CDH18: variants seen among roughly 807,000 people sequenced by gnomAD.
The protein encoded by CDH18 is cadherin-18.
CDH18 carries 31 observed loss-of-function variants against 67.9 expected under a neutral mutation model. The ratio of observed to expected loss-of-function variants is 0.46; its 90% confidence interval spans 0.34 to 0.62. The LOEUF (loss-of-function observed/expected upper bound fraction) is 0.62. Among genes scored for constraint, CDH18 ranks in the 20% least tolerant of loss-of-function variants. The pLI is 0.01. For missense variants in CDH18, 890 were observed against 975.5 expected (o/e 0.91, Z 1.17); for synonymous variants, 362 against 347.2 (o/e 1.04, Z -0.48).
chr5:19,747,367 T>C, intron 3 of CDH18, 131 bp from the exon 4 acceptor site: 1 of 670,316 alleles, frequency 1.5e-6, no homozygotes, highest in Non-Finnish European at 2.4e-6. Context: ...TGTGTGTTAC[T>C]ACTATCATTT....
intron 1 of CDH18, among the ~76,000 whole-genome samples, chr5:20,338,831 G>T (rs1258758810): frequency 1.3e-5 from 2 of 152,110 alleles, no homozygotes; most frequent in East Asian, 3.9e-4. Context: ...TGTCTCTTCA[G>T]GGCCCCAAGG....
chr5:19,759,058 A>C (rs896726569), intron 3 of CDH18, among the ~76,000 whole-genome samples: 15 of 152,240 alleles, frequency 9.9e-5, no homozygotes, highest in African/African-American at 3.4e-4. Context: ...GGTGGGCCTT[A>C]TGGATAGGAA....
chr5:19,769,481 T>C (rs1250322720), intron 3 of CDH18, among the ~76,000 whole-genome samples: 4 of 152,068 alleles, frequency 2.6e-5, no homozygotes, highest in Non-Finnish European at 4.4e-5. Flanking sequence ...GAAATTACAA[T>C]GTTCCTAGAT....
chr5:19,959,171 G>T (rs1274922073), intron 2 of CDH18, among the ~76,000 whole-genome samples: 1 of 152,032 alleles, frequency 6.6e-6, no homozygotes, highest in Non-Finnish European at 1.5e-5. Context: ...TTGAAGATGA[G>T]AAGGGAAACA....
intron 5 of CDH18, among the ~76,000 whole-genome samples, chr5:19,676,165 A>G (rs1759457947): frequency 6.6e-6 from 1 of 152,038 alleles, no homozygotes; most frequent in Non-Finnish European, 1.5e-5. Flanking sequence ...AAAAATAAAG[A>G]TAAAACAAAA....
At chr5:19,863,457 T>C (rs1300441409) in intron 2 of CDH18, among the ~76,000 whole-genome samples, 1 of 152,184 alleles carries the variant, frequency 6.6e-6, no homozygotes, top group East Asian at 1.9e-4. Flanking sequence ...ACTTAATATC[T>C]AGATTGTCAG....
chr5:20,082,947 G>T lies in CDH18; in HGVS notation c.-517-90933C>A, dbSNP rs190933810. ...TTGGACTTGTACCCTTTGGAACTGT[G>T]AGGCAGTAAATATTCGTGATCCAAA... On this transcript the variant is annotated intron_variant, in intron 2 of 14. Transcript: ENST00000507958. Among the ~76,000 whole-genome samples the T allele has an allele frequency of 4.0e-4, 61 of 152,302 alleles. 2 individuals carry two copies. In the East Asian group the frequency reaches 0.011, roughly 27 times the overall value.
chr5:19,618,102 T>C (rs2150130617), intron 5 of CDH18, among the ~76,000 whole-genome samples: 1 of 152,260 alleles, frequency 6.6e-6, no homozygotes, highest in Middle Eastern at 3.4e-3. Flanking sequence ...GCCTGCACAT[T>C]TAAATTCTTA....
At chr5:19,641,142 C>CAA (rs3062887) in intron 5 of CDH18, among the ~76,000 whole-genome samples, 40 of 112,364 alleles carry the variant, frequency 3.6e-4, no homozygotes, top group East Asian at 1.6e-3. Flanking sequence ...CTAAATTTTT[C>CAA]AAAAAAAAAA....
chr5:20,397,167 G>A (rs1745352453), intron 1 of CDH18, among the ~76,000 whole-genome samples: 1 of 152,080 alleles, frequency 6.6e-6, no homozygotes, highest in Non-Finnish European at 1.5e-5. Flanking sequence ...GTCTTGCTCT[G>A]TTGCTCAAGG....
chr5:19,630,937 T>C (rs1271751801), intron 5 of CDH18, among the ~76,000 whole-genome samples: 1 of 152,076 alleles, frequency 6.6e-6, no homozygotes, highest in Admixed American at 6.5e-5. Context: ...GATTTAGTTA[T>C]ATAGAGACTG....
At chr5:19,877,349 G>A (rs1017847464) in intron 2 of CDH18, among the ~76,000 whole-genome samples, 2 of 152,080 alleles carry the variant, frequency 1.3e-5, no homozygotes, top group Non-Finnish European at 2.9e-5. Context: ...TTTTAAATGT[G>A]GGTATGCTTT....
At chr5:19,877,547 G>T (rs1206331548) in intron 2 of CDH18, among the ~76,000 whole-genome samples, 1 of 152,062 alleles carries the variant, frequency 6.6e-6, no homozygotes, top group African/African-American at 2.4e-5. Context: ...CTATTAAAAG[G>T]GTGTCATGTA....
chr5:19,475,565 C>CACACACACAA (rs1393508779), intron 12 of CDH18, among the ~76,000 whole-genome samples: 3 of 151,948 alleles, frequency 2.0e-5, no homozygotes, highest in African/African-American at 7.3e-5. Flanking sequence ...TACACACACA[C>CACACACACAA]ATACACATAA....
intron 2 of CDH18, among the ~76,000 whole-genome samples, chr5:20,010,812 A>G (rs1737374108): frequency 6.6e-6 from 1 of 152,098 alleles, no homozygotes; most frequent in African/African-American, 2.4e-5. Context: ...AATTTAGGCA[A>G]TCTTGTCAGA....
rs529614345 is a variant in CDH18, at chr5:20,004,142, T to A, written c.-517-12128A>T. Among the ~76,000 whole-genome samples the A allele has an allele frequency of 1.1e-3, 171 of 152,338 alleles. 1 individual carries two copies. The highest frequency in any genetic ancestry group is 4.0e-3 in the African/African-American group (167 of 41,582). On this transcript the variant is annotated intron_variant, in intron 2 of 14. Transcript: ENST00000507958. ...CCTTCATATCTCTCATTTAGTTTTCTAACTCATCAGCAAGGCCACGACATG... is the reference window on the plus strand; with the variant it reads ...CCTTCATATCTCTCATTTAGTTTTCAAACTCATCAGCAAGGCCACGACATG...
intron 1 of CDH18, among the ~76,000 whole-genome samples, chr5:20,490,224 T>C (rs1753505656): frequency 1.3e-5 from 2 of 152,078 alleles, no homozygotes; most frequent in Non-Finnish European, 2.9e-5. Flanking sequence ...TCAAAAGGCT[T>C]TACAGATTTA....
intron 2 of CDH18, among the ~76,000 whole-genome samples, chr5:20,075,096 C>T (rs1184606788): frequency 1.3e-5 from 2 of 152,018 alleles, no homozygotes; most frequent in Non-Finnish European, 2.9e-5. Context: ...CTCTTTAGGC[C>T]CGTCTGGATT....
intron 1 of CDH18, among the ~76,000 whole-genome samples, chr5:20,501,551 TATATA>T (rs1282637277): frequency 1.1e-4 from 3 of 27,252 alleles, no homozygotes; most frequent in Admixed American, 9.4e-4. Flanking sequence ...ACATATTATA[TATATA>T]ATATATATAT....
Sources: allele counts gnomAD v4.1 joint callset (sites outside exome capture counted in the v4.1 genomes callset), GRCh38; gene constraint gnomAD v4.1.1; transcripts MANE v1.5; gene names NCBI Gene and HGNC (gene_info 2026-07-23, HGNC 2026-07-21).